GLRB: variants seen among roughly 807,000 people sequenced by gnomAD.
GLRB encodes the protein glycine receptor beta, also known as glycine receptor subunit beta.
In GLRB, 33 loss-of-function variants were observed where a neutral mutation model predicts 54.2. The ratio of observed to expected loss-of-function variants is 0.61; its 90% CI spans 0.46 to 0.81. GLRB has a LOEUF of 0.81. Among genes scored for constraint, GLRB ranks in the 40% least tolerant of loss-of-function variants. The pLI is 0.00. For synonymous variants in GLRB, 209 were observed against 208.2 expected (o/e 1.00, Z -0.03); for missense variants, 572 against 584.6 (o/e 0.98, Z 0.22).
chr4:157,107,689 G>A (rs915218166), intron 2 of GLRB, among the ~76,000 whole-genome samples: 3 of 152,094 alleles, frequency 2.0e-5, no homozygotes, highest in African/African-American at 7.2e-5. Context: ...ACAAACGTGT[G>A]AGGTGGCACA....
intron 2 of GLRB, among the ~76,000 whole-genome samples, chr4:157,112,675 G>A (rs1280134378): frequency 6.6e-6 from 1 of 151,938 alleles, no homozygotes; most frequent in Non-Finnish European, 1.5e-5. Flanking sequence ...TGGGAACTCT[G>A]AAGATGGGAT....
At chr4:157,083,890 A>G (rs1173758870) in intron 2 of GLRB, among the ~76,000 whole-genome samples, 1 of 152,204 alleles carries the variant, frequency 6.6e-6, no homozygotes, top group Non-Finnish European at 1.5e-5. Flanking sequence ...TAATAGTAAG[A>G]AGAAATATGT....
In GLRB at chr4:157,086,717, A is replaced by G. The variant is rs576925944; in HGVS notation, c.122+8571A>G. ...GATAAGTTCAATTAAAGGAAAATAT[A>G]GAACTGTCAAAAGAGAAAATGGGTT... On this transcript the variant is annotated intron_variant, in intron 2 of 9. Transcript: ENST00000264428. Among the ~76,000 whole-genome samples, 2 of 152,352 alleles carry G rather than the reference A, an allele frequency of 1.3e-5. 1 individual carries two copies. The highest frequency in any genetic ancestry group is 4.1e-4 in the South Asian group (2 of 4,830).
chr4:157,150,464 T>C (rs1318348697), intron 8 of GLRB, among the ~76,000 whole-genome samples: 2 of 152,044 alleles, frequency 1.3e-5, no homozygotes, highest in African/African-American at 2.4e-5. Context: ...TGTCACACCT[T>C]TTAAAGACAA....
At chr4:157,138,703 G>A in intron 6 of GLRB, 106 bp from the exon 7 acceptor site, 2 of 657,570 alleles carry the variant, frequency 3.0e-6, no homozygotes, top group East Asian at 2.8e-5. Flanking sequence ...ATATAAGAAG[G>A]TCTTATTTTC....
intron 2 of GLRB, among the ~76,000 whole-genome samples, chr4:157,095,075 G>A (rs1024147372): frequency 1.3e-5 from 2 of 152,158 alleles, no homozygotes; most frequent in Non-Finnish European, 2.9e-5. Flanking sequence ...ACATTGAGTT[G>A]GCTACAGGAA....
intron 2 of GLRB, among the ~76,000 whole-genome samples, chr4:157,078,701 T>A (rs1217084488): frequency 2.6e-5 from 4 of 152,152 alleles, no homozygotes; most frequent in African/African-American, 9.7e-5. Context: ...GTCATTAAAT[T>A]TGAAATTACT....
At chr4:157,122,929 G>A (rs1464867499) in intron 4 of GLRB, among the ~76,000 whole-genome samples, 3 of 151,624 alleles carry the variant, frequency 2.0e-5, no homozygotes. Context: ...AAAGGGCCGG[G>A]AAAGGCAGGT....
intron 4 of GLRB, among the ~76,000 whole-genome samples, chr4:157,125,077 A>T (rs1423771127): frequency 6.6e-6 from 1 of 151,914 alleles, no homozygotes; most frequent in Non-Finnish European, 1.5e-5. Context: ...AAAAGAAAAA[A>T]TTCATCTAGA....
rs78857560 is a variant in GLRB at position 157,092,827 on chromosome 4, T to C, written c.122+14681T>C. On this transcript the variant is annotated intron_variant, in intron 2 of 9. Coordinates refer to ENST00000264428, the MANE Select transcript of GLRB (RefSeq NM_000824.5). ...TCAGTCAGTAGTAGTCAGGTGGTTG[T>C]TTGAAGCTAACTCTTTAGTTGTACT... Among the ~76,000 whole-genome samples, 1,187 of 152,298 alleles carry C rather than the reference T, an allele frequency of 7.8e-3. 21 individuals carry two copies. The East Asian group carries it at 0.1, about 13-fold the overall frequency.
In GLRB at chr4:157,138,973, A is replaced by G. The variant is rs769461297; in HGVS notation, c.751+24A>G. The G allele has an allele frequency of 1.5e-5, 18 of 1,235,834 alleles. No homozygotes were observed. In the African/African-American group the frequency reaches 2.2e-4, roughly 15 times the overall value. The allele number at this position is 1,235,834 out of a possible 1,614,324, so 76.6% of individuals were successfully genotyped here. On this transcript the variant is annotated intron_variant, in intron 7 of 9. Coordinates refer to ENST00000264428, the MANE Select transcript of GLRB (RefSeq NM_000824.5). ...GGGTAAGTAATATTCTTTAAATAAA[A>G]CGAAGTTCTATTTCAAAGATACATT...
At chr4:157,082,889 G>A (rs1329853850) in intron 2 of GLRB, among the ~76,000 whole-genome samples, 2 of 151,478 alleles carry the variant, frequency 1.3e-5, no homozygotes, top group African/African-American at 2.4e-5. Context: ...AGTATAGGAT[G>A]AGGAAGAACA....
intron 8 of GLRB, among the ~76,000 whole-genome samples, chr4:157,148,843 G>A (rs1034471643): frequency 1.3e-5 from 2 of 151,978 alleles, no homozygotes; most frequent in African/African-American, 4.8e-5. Flanking sequence ...TATCATTACC[G>A]TCAAGTTGGT....
rs931085305 is a variant in GLRB at position 157,139,025 on chromosome 4, G to A, written c.751+76G>A. 8 of 816,944 alleles carry A rather than the reference G, an allele frequency of 9.8e-6. No homozygotes were observed. In the Admixed American group the frequency reaches 1.4e-4, roughly 14 times the overall value. The allele number at this position is 816,944 out of a possible 1,614,324, so 50.6% of individuals were successfully genotyped here. On this transcript the variant is annotated intron_variant, in intron 7 of 9. Coordinates refer to ENST00000264428, the MANE Select transcript of GLRB (RefSeq NM_000824.5). Reference sequence around the variant, plus strand: ...TAATTAATACATAGCCAAGGGGAGAGTAGAAAAGAAGTGGCCAAAACTTAA... The same window carrying A: ...TAATTAATACATAGCCAAGGGGAGAATAGAAAAGAAGTGGCCAAAACTTAA...
At chr4:157,101,683 G>T in intron 2 of GLRB, among the ~76,000 whole-genome samples, 1 of 151,320 alleles carries the variant, frequency 6.6e-6, no homozygotes, top group East Asian at 1.9e-4. Flanking sequence ...GTATACTTAG[G>T]TTTTCTATTA....
At chr4:157,131,852 A>C (rs543869226) in intron 4 of GLRB, among the ~76,000 whole-genome samples, 1 of 151,950 alleles carries the variant, frequency 6.6e-6, no homozygotes, top group South Asian at 2.1e-4. Flanking sequence ...TTCATCAATT[A>C]TGAATAAAAC....
At chr4:157,136,284 C>A in intron 4 of GLRB, 185 bp from the exon 5 acceptor site, 1 of 590,320 alleles carries the variant, frequency 1.7e-6, no homozygotes. Flanking sequence ...TACATAGAGA[C>A]AAGTGTCTTT....
chr4:157,102,416 T>C (rs1735066161), intron 2 of GLRB, among the ~76,000 whole-genome samples: 3 of 152,174 alleles, frequency 2.0e-5, no homozygotes, highest in Non-Finnish European at 2.9e-5. Context: ...AGGTACCTTA[T>C]ATAATTAGAA....
In GLRB at chr4:157,170,652, T is replaced by C. The variant is rs762372179; in HGVS notation, c.1418T>C (p.Ile473Thr). ...GTTATTCCAACAGCAGCAAAGCGAA[T>C]TGATCTTTATGCAAGAGCATTGTTT... The part of the protein sequence containing the change: ...KPVIPTAAKR[I>T]DLYARALFPF... The change falls in exon 10 of 10, where the codon ATT becomes ACT. Residue 473 changes from isoleucine to threonine, a missense_variant. Ile to Thr is a moderately conservative substitution (Grantham distance 89, BLOSUM62 -1). Coordinates refer to ENST00000264428, the MANE Select transcript of GLRB (RefSeq NM_000824.5). The C allele has an allele frequency of 1.4e-5, 23 of 1,610,734 alleles. No individual in the cohort carries two copies. The highest frequency in any genetic ancestry group is 2.0e-5 in the Non-Finnish European group (23 of 1,177,366).
Sources: allele counts gnomAD v4.1 joint callset (sites outside exome capture counted in the v4.1 genomes callset), GRCh38; gene constraint gnomAD v4.1.1; transcripts MANE v1.5; gene names NCBI Gene and HGNC (gene_info 2026-07-23, HGNC 2026-07-21).